DSG1: variants seen among roughly 807,000 people sequenced by gnomAD.
DSG1 encodes the protein desmoglein 1.
DSG1 carries 39 observed loss-of-function variants against 97.5 expected under a neutral mutation model. That is an observed-to-expected ratio of 0.40 (90% CI 0.31 to 0.52). DSG1 has a LOEUF of 0.52. Among genes scored for constraint, DSG1 ranks in the 20% least tolerant of loss-of-function variants. The probability of loss-of-function intolerance (pLI) is 0.53; values close to 1 mark genes in which losing one functional copy is unlikely to be tolerated. For missense variants in DSG1, 1,311 were observed against 1,295.4 expected, an observed-to-expected ratio of 1.01 and a Z score of -0.18; for synonymous variants, 475 against 443.4, an observed-to-expected ratio of 1.07 and a Z score of -0.90.
At chr18:31,352,088 G>A (rs1213736194) in intron 14 of DSG1, among the ~76,000 whole-genome samples, 1 of 152,048 alleles carries the variant, frequency 6.6e-6, no homozygotes, top group East Asian at 1.9e-4. Context: ...ATTTTGGCAT[G>A]ATTTTGCAGC....
At chr18:31,323,012 CATT>C (rs1490947918) in intron 1 of DSG1, among the ~76,000 whole-genome samples, 6 of 152,130 alleles carry the variant, frequency 3.9e-5, no homozygotes, top group Non-Finnish European at 8.8e-5. Flanking sequence ...AGGGGAAACT[CATT>C]GAGGATGTAT....
chr18:31,318,989 G>T (rs2071637285), intron 1 of DSG1, among the ~76,000 whole-genome samples: 1 of 152,054 alleles, frequency 6.6e-6, no homozygotes. Context: ...TGAAGAAGTG[G>T]CTATAATTAA....
chr18:31,334,252 A>G (rs1372394621), intron 8 of DSG1, 50 bp downstream of exon 8: 1 of 1,301,760 alleles, frequency 7.7e-7, no homozygotes, highest in East Asian at 2.3e-5. Context: ...TTTTTTCAAA[A>G]TGTTAAACTT....
chr18:31,337,542 C>A (rs1184068552), intron 9 of DSG1, among the ~76,000 whole-genome samples: 1 of 152,168 alleles, frequency 6.6e-6, no homozygotes, highest in Admixed American at 6.5e-5. Flanking sequence ...CTTAAGCCAC[C>A]GCACTCAGCC....
At chr18:31,347,758 T>C (rs2071852862) in intron 14 of DSG1, 1 of 152,168 alleles carries the variant, frequency 6.6e-6, no homozygotes, top group Non-Finnish European at 1.5e-5. Context: ...CAAATTTTCC[T>C]GTTGCTGTGC....
At chr18:31,330,176 A>G in intron 5 of DSG1, 140 bp downstream of exon 5, 1 of 1,099,484 alleles carries the variant, frequency 9.1e-7, no homozygotes, top group African/African-American at 1.6e-5. Flanking sequence ...CCTTTCAACT[A>G]CGGAAGCAGC....
intron 8 of DSG1, among the ~76,000 whole-genome samples, chr18:31,334,505 C>A (rs1232759294): frequency 6.6e-6 from 1 of 151,986 alleles, no homozygotes; most frequent in African/African-American, 2.4e-5. Context: ...ATAATTAATC[C>A]TTAAGGTTAA....
intron 1 of DSG1, among the ~76,000 whole-genome samples, chr18:31,318,810 A>G (rs529437190): frequency 6.6e-6 from 1 of 152,226 alleles, no homozygotes; most frequent in East Asian, 1.9e-4. Flanking sequence ...TTAAAATCGT[A>G]GCAGTTTGTG....
At chr18:31,327,108 A>G in intron 3 of DSG1, 103 bp downstream of exon 3, 1 of 1,422,370 alleles carries the variant, frequency 7.0e-7, no homozygotes, top group Non-Finnish European at 9.9e-7. Flanking sequence ...CCGAGAAGCT[A>G]CGATACAGAA....
At chr18:31,347,776 G>C (rs1003270530) in intron 14 of DSG1, 2 of 152,098 alleles carry the variant, frequency 1.3e-5, no homozygotes, top group Non-Finnish European at 2.9e-5. Flanking sequence ...TGCTGAAAAA[G>C]TCATGTTGCA....
intron 5 of DSG1, among the ~76,000 whole-genome samples, chr18:31,330,991 A>G (rs916791969): frequency 5.9e-5 from 9 of 152,120 alleles, no homozygotes; most frequent in Admixed American, 1.3e-4. Flanking sequence ...GTTGGAGAGT[A>G]GAGAACAATT....
At chr18:31,326,240 G>A (rs1437541620) in intron 1 of DSG1, among the ~76,000 whole-genome samples, 1 of 151,832 alleles carries the variant, frequency 6.6e-6, no homozygotes, top group African/African-American at 2.4e-5. Flanking sequence ...ATTTTTAAAT[G>A]TAAACTATAA....
chr18:31,346,148 T>A lies in DSG1; in HGVS notation c.2050T>A (p.Cys684Ser), dbSNP rs771294328. The A allele has an allele frequency of 6.2e-7, 1 of 1,613,900 alleles. No homozygotes were observed. The highest frequency in any genetic ancestry group is 8.5e-7 in the Non-Finnish European group (1 of 1,179,832). Residue 684 changes from cysteine (C) to serine (S), a missense_variant, in exon 14 of 15, where the codon TGT (cysteine) becomes AGT (serine). Coordinates refer to ENST00000257192, the MANE Select transcript of DSG1 (RefSeq NM_001942.4). ...ATTAAGAAGAAATTCTATGAGGGAA[T>A]GTAGAGAAGGAGGTCTGAATATGAA... ...GTLRRNSMRECREGGLNMNFM... is the reference protein window; with the variant it reads ...GTLRRNSMRESREGGLNMNFM...
intron 1 of DSG1, among the ~76,000 whole-genome samples, chr18:31,322,173 T>G (rs973120602): frequency 2.0e-5 from 3 of 152,246 alleles, no homozygotes; most frequent in African/African-American, 7.2e-5. Flanking sequence ...CTCTCAAAAC[T>G]GCAAGACTGT....
chr18:31,344,535 A>T (rs2071815851), intron 13 of DSG1, among the ~76,000 whole-genome samples: 1 of 152,350 alleles, frequency 6.6e-6, no homozygotes, highest in East Asian at 1.9e-4. Flanking sequence ...TACCTAAAAA[A>T]TATTTGTCCA....
Position 31,346,116 on chromosome 18 carries a change from C to T in DSG1, c.2018C>T (p.Ser673Phe). 6.2e-7 allele frequency: 1 copy of T among 1,613,742 alleles called. No homozygotes were observed. Among genetic ancestry groups the T allele is most frequent in the Non-Finnish European group, 8.5e-7 (1 of 1,179,726 alleles). Residue 673 changes from serine to phenylalanine, a missense_variant, in exon 14 of 15, where the codon TCT (serine) becomes TTT (phenylalanine). Coordinates refer to ENST00000257192, the MANE Select transcript of DSG1 (RefSeq NM_001942.4). ...SGMPEICQEY[S>F]GTLRRNSMRE... ...ATGCCTGAGATATGTCAAGAATACT[C>T]TGGAACATTAAGAAGAAATTCTATG...
chr18:31,355,586 C>G lies in DSG1; in HGVS notation c.*240C>G, dbSNP rs192359585. The G allele has an allele frequency of 2.7e-5, 15 of 547,576 alleles. No homozygotes were observed. The Admixed American group carries it at 3.7e-4, about 13-fold the overall frequency. The allele number at this position is 547,576 out of a possible 1,614,324, so 33.9% of individuals were successfully genotyped here. ...GAACTAAAACTTGAGGCAGAGTCTT[C>G]TTTGTGCCTGAGTGGCCTGTAGTCC... On this transcript the variant is annotated 3_prime_UTR_variant, in exon 15 of 15. Transcript: ENST00000257192.
At chr18:31,331,604 G>A (rs2071721290) in intron 5 of DSG1, 97 bp from the exon 6 acceptor site, 2 of 1,091,734 alleles carry the variant, frequency 1.8e-6, no homozygotes, top group Non-Finnish European at 2.7e-6. Context: ...ACATCATAAG[G>A]ATCAACTAAC....
At position 31,356,519 on chromosome 18, in the gene DSG1, C is replaced by T. The variant is rs1231344621; in HGVS notation, c.*1173C>T. The T allele has an allele frequency of 6.6e-6, 1 of 152,052 alleles. No individual in the cohort carries two copies. The highest frequency in any genetic ancestry group is 1.5e-5 in the Non-Finnish European group (1 of 68,006). The allele number at this position is 152,052 out of a possible 1,614,324, so 9.4% of individuals were successfully genotyped here. On this transcript the variant is annotated 3_prime_UTR_variant, in exon 15 of 15. Coordinates refer to ENST00000257192, the MANE Select transcript of DSG1 (RefSeq NM_001942.4). ...AAAGAATTCTTCTGTAAAGTAATAC[C>T]ATGCTAATTATTCGCTTTTAGTAAG... is the stretch of plus-strand genomic sequence containing the variant.
Sources: allele counts gnomAD v4.1 joint callset (sites outside exome capture counted in the v4.1 genomes callset), GRCh38; gene constraint gnomAD v4.1.1; transcripts MANE v1.5; gene names NCBI Gene and HGNC (gene_info 2026-07-23, HGNC 2026-07-21).